Variants in PVT1 observed in about 807,000 individuals in gnomAD.
The protein encoded by PVT1 is Pvt1 oncogene, also known as CXCR4/PVT1 fusion.
chr8:128,083,299 G>A (rs1390848585), intron 5 of PVT1, among the ~76,000 whole-genome samples: 1 of 152,210 alleles, frequency 6.6e-6, no homozygotes, highest in Admixed American at 6.5e-5. Context: ...GGCTGCAGAT[G>A]TGCTTGTCAA....
chr8:127,990,130 C>T (rs1466074910), intron 4 of PVT1, among the ~76,000 whole-genome samples: 1 of 152,208 alleles, frequency 6.6e-6, no homozygotes, highest in Non-Finnish European at 1.5e-5. Context: ...ATCACCAAGT[C>T]AGCCTGGGAA....
chr8:127,891,216 C>T (rs1272972313), intron 3 of PVT1, among the ~76,000 whole-genome samples: 2 of 152,184 alleles, frequency 1.3e-5, no homozygotes, highest in Non-Finnish European at 2.9e-5. Context: ...TCCCAGTTTA[C>T]GTATCTGTCA....
At position 127,959,569 on chromosome 8, in the gene PVT1, G is replaced by GC. The variant is rs1489484846; in HGVS notation, n.783-29592dup. On this transcript the variant is annotated intron_variant and non_coding_transcript_variant, in intron 3 of 10. Coordinates refer to ENST00000651587, the Ensembl canonical transcript of PVT1. ...CACTCTACTCCAGCCTGGCAACAGC[G>GC]CGAGACTCTGTCTCAGGAAAAAAAA... is the stretch of plus-strand genomic sequence containing the variant. Among the ~76,000 whole-genome samples the GC allele has an allele frequency of 3.6e-5, 5 of 140,316 alleles. No individual in the cohort carries two copies. In the Admixed American group the frequency reaches 3.8e-4, roughly 11 times the overall value. The allele number at this position is 140,316 out of a possible 152,430, so 92.1% of individuals were successfully genotyped here. A position where few individuals can be genotyped will look rare whatever the true frequency, so the allele number is the denominator to read the frequency against.
chr8:127,856,782 A>C (rs1254699979), intron 2 of PVT1, among the ~76,000 whole-genome samples: 1 of 152,240 alleles, frequency 6.6e-6, no homozygotes, highest in African/African-American at 2.4e-5. Context: ...AGAGAGTCAC[A>C]GTAACTGGTC....
chr8:127,827,685 T>C (rs1405035540), intron 2 of PVT1, among the ~76,000 whole-genome samples: 4 of 152,108 alleles, frequency 2.6e-5, no homozygotes, highest in African/African-American at 9.7e-5. Flanking sequence ...GGCAGCTCCC[T>C]GGAAAAATTT....
In PVT1 at chr8:127,887,931, GTTTTTTTTTTTTTTTTT is replaced by G. The variant is rs560976785; in HGVS notation, n.373-2647_373-2631del. Among the ~76,000 whole-genome samples, 131 of 66,594 alleles carry G rather than the reference GTTTTTTTTTTTTTTTTT, an allele frequency of 2.0e-3. 1 individual carries two copies. The highest frequency in any genetic ancestry group is 5.6e-3 in the Admixed American group (21 of 3,724). 43.7% of individuals were successfully genotyped at this position (66,594 alleles called of 152,430 possible). On this transcript the variant is annotated intron_variant and non_coding_transcript_variant, in intron 2 of 10. Transcript: ENST00000651587. ...TGGATGCAGAATCTCACTCTATCTTGTTTTTTTTTTTTTTTTTTTTTTTTTTTGAGACTGAATCTCAC... is the reference window on the plus strand; with the variant it reads ...TGGATGCAGAATCTCACTCTATCTTGTTTTTTTTTTGAGACTGAATCTCAC...
At chr8:127,990,107 C>A (rs1817015886) in intron 4 of PVT1, among the ~76,000 whole-genome samples, 1 of 152,194 alleles carries the variant, frequency 6.6e-6, no homozygotes, top group Non-Finnish European at 1.5e-5. Flanking sequence ...GCTGTCCCCC[C>A]AGCCTTTCAC....
At chr8:128,008,655 G>A (rs1398837861) in intron 4 of PVT1, among the ~76,000 whole-genome samples, 1 of 152,120 alleles carries the variant, frequency 6.6e-6, no homozygotes, top group Non-Finnish European at 1.5e-5. Context: ...ATGTCTCTAC[G>A]GATGCATCTC....
chr8:127,906,653 C>A (rs1008423760), intron 3 of PVT1, among the ~76,000 whole-genome samples: 1 of 152,054 alleles, frequency 6.6e-6, no homozygotes, highest in African/African-American at 2.4e-5. Context: ...CCATTGCCTT[C>A]CCGATGCTTC....
chr8:127,970,580 T>G (rs944597247), intron 3 of PVT1, among the ~76,000 whole-genome samples: 1 of 152,130 alleles, frequency 6.6e-6, no homozygotes, highest in Non-Finnish European at 1.5e-5. Flanking sequence ...ATTACAGGCA[T>G]GAGCAACCAC....
intron 3 of PVT1, among the ~76,000 whole-genome samples, chr8:127,894,064 TC>T (rs1176924221): frequency 2.6e-5 from 4 of 152,230 alleles, no homozygotes; most frequent in African/African-American, 9.6e-5. Flanking sequence ...AGCCCTGTTA[TC>T]CCTGACTGCC....
chr8:127,902,603 T>G (rs1815772390), intron 3 of PVT1, among the ~76,000 whole-genome samples: 1 of 152,084 alleles, frequency 6.6e-6, no homozygotes, highest in South Asian at 2.1e-4. Context: ...CCCTTTCTAG[T>G]AGCCCTCAGC....
Position 128,013,403 on chromosome 8 carries a change from G to C in PVT1, n.912+24112G>C, listed in dbSNP as rs181101117. On this transcript the variant is annotated intron_variant and non_coding_transcript_variant, in intron 4 of 10. Transcript: ENST00000651587. ...TTTTTCCTGTTTTTTTTTCCCCCTG[G>C]CAGAGTTAGCCACTTCTTCCTATGT... 1.3e-4 allele frequency among the ~76,000 whole-genome samples: 20 copies of C among 151,850 alleles called. No homozygotes were observed. In the East Asian group the frequency reaches 3.3e-3, roughly 25 times the overall value.
At chr8:127,857,787 G>C (rs1389432695) in intron 2 of PVT1, among the ~76,000 whole-genome samples, 1 of 152,214 alleles carries the variant, frequency 6.6e-6, no homozygotes, top group Non-Finnish European at 1.5e-5. Context: ...CCCCTCTCCT[G>C]GCATTGCCTG....
intron 2 of PVT1, among the ~76,000 whole-genome samples, chr8:127,858,447 T>A (rs565252348): frequency 2.0e-5 from 3 of 151,378 alleles, no homozygotes; most frequent in Admixed American, 6.6e-5. Flanking sequence ...AATAAATAAA[T>A]AAAAGATGGT....
chr8:127,945,924 C>T (rs962157672), intron 3 of PVT1, among the ~76,000 whole-genome samples: 1 of 152,222 alleles, frequency 6.6e-6, no homozygotes, highest in East Asian at 1.9e-4. Flanking sequence ...CATGAGCTCT[C>T]TGGGCCTCCT....
At chr8:127,889,237 C>G (rs144754531) in intron 2 of PVT1, among the ~76,000 whole-genome samples, 1 of 151,880 alleles carries the variant, frequency 6.6e-6, no homozygotes, top group Non-Finnish European at 1.5e-5. Flanking sequence ...TTAAGCGATT[C>G]TCATTCCTCG....
chr8:127,870,082 G>A (rs1815335352), intron 2 of PVT1, among the ~76,000 whole-genome samples: 1 of 152,188 alleles, frequency 6.6e-6, no homozygotes, highest in Non-Finnish European at 1.5e-5. Flanking sequence ...GGGGTTACAG[G>A]CACGAGCCAC....
At chr8:127,869,872 C>T (rs753238963) in intron 2 of PVT1, among the ~76,000 whole-genome samples, 6 of 152,146 alleles carry the variant, frequency 3.9e-5, no homozygotes, top group Admixed American at 1.3e-4. Flanking sequence ...GGCGTGATCT[C>T]GGCTTACTGC....
Sources: allele counts gnomAD v4.1 joint callset (sites outside exome capture counted in the v4.1 genomes callset), GRCh38; gene constraint gnomAD v4.1.1; transcripts MANE v1.5; gene names NCBI Gene and HGNC (gene_info 2026-07-23, HGNC 2026-07-21).